Variants in UIMC1 observed in about 807,000 individuals in gnomAD.
UIMC1 encodes the protein ubiquitin interaction motif containing 1, also known as BRCA1-A complex subunit RAP80.
UIMC1 carries 42 observed loss-of-function variants against 84.9 expected under a neutral mutation model. The ratio of observed to expected loss-of-function variants is 0.49; its 90% CI spans 0.39 to 0.64. The LOEUF (loss-of-function observed/expected upper bound fraction) is 0.64. UIMC1 is among the 30% of genes least tolerant of loss of function. The probability of loss-of-function intolerance (pLI) is 0.00; values close to 1 mark genes in which losing one functional copy is unlikely to be tolerated. For missense variants in UIMC1, 825 were observed against 847.6 expected (o/e 0.97, Z 0.33); for synonymous variants, 281 against 293.0 (o/e 0.96, Z 0.42).
At chr5:176,973,751 A>C (rs900023807) in intron 3 of UIMC1, among the ~76,000 whole-genome samples, 1 of 152,048 alleles carries the variant, frequency 6.6e-6, no homozygotes, top group Non-Finnish European at 1.5e-5. Flanking sequence ...AAATAATAAA[A>C]AACTAGCTGG....
chr5:177,015,037 G>A (rs568638060), intron 1 of UIMC1, among the ~76,000 whole-genome samples: 8 of 152,162 alleles, frequency 5.3e-5, no homozygotes, highest in Admixed American at 3.3e-4. Context: ...GTTTGAGACC[G>A]GCCTGACAAA....
At chr5:176,916,060 G>A (rs2860534) in intron 10 of UIMC1, among the ~76,000 whole-genome samples, 41,648 of 151,978 alleles carry the variant, frequency 0.27, 5,758 homozygotes, top group Middle Eastern at 0.35. Flanking sequence ...GGGGCTTGCC[G>A]CTGTTTTTCC....
At position 176,968,680 on chromosome 5, in the gene UIMC1, CTT is replaced by C. The variant is rs753610157; in HGVS notation, c.1073_1074del (p.Lys358ArgfsTer7). Reference protein sequence around the residue: ...CISEDMGDEDKEERQESRASD... With the variant: ...CISEDMGDEDXEERQESRASD... ...GATGCCCTAGACTCCTGCCTCTCCTCTTTGTCTTCATCTCCCATATCTTCTGA... is the reference window on the plus strand; with the variant it reads ...GATGCCCTAGACTCCTGCCTCTCCTCTGTCTTCATCTCCCATATCTTCTGA... On this transcript the variant is annotated frameshift_variant, in exon 6 of 15. Transcript: ENST00000511320. LOFTEE classifies it high-confidence loss of function. 2 of 1,614,170 alleles carry C rather than the reference CTT, an allele frequency of 1.2e-6. No individual in the cohort carries two copies. Among genetic ancestry groups the C allele is most frequent in the South Asian group, 1.1e-5 (1 of 91,090 alleles).
At chr5:176,934,857 T>C (rs181024732) in intron 10 of UIMC1, among the ~76,000 whole-genome samples, 24 of 152,314 alleles carry the variant, frequency 1.6e-4, no homozygotes, top group African/African-American at 5.5e-4. Flanking sequence ...GGCAGCCATT[T>C]TGCTTGTCCC....
intron 8 of UIMC1, among the ~76,000 whole-genome samples, chr5:176,955,180 A>C (rs1197943889): frequency 6.6e-6 from 1 of 152,224 alleles, no homozygotes; most frequent in South Asian, 2.1e-4. Context: ...TTAGATGGTA[A>C]GTATCTTAGT....
chr5:176,915,750 G>A (rs1760889799), intron 10 of UIMC1, among the ~76,000 whole-genome samples: 1 of 127,024 alleles, frequency 7.9e-6, no homozygotes, highest in Non-Finnish European at 1.6e-5. Flanking sequence ...CACTGCGCCT[G>A]ACTGTAAATG....
At chr5:176,989,200 A>C (rs925505954) in intron 1 of UIMC1, among the ~76,000 whole-genome samples, 1 of 152,184 alleles carries the variant, frequency 6.6e-6, no homozygotes, top group Non-Finnish European at 1.5e-5. Flanking sequence ...TTTCTAAAAA[A>C]AACACTTAAA....
At chr5:176,970,274 A>C (rs1394459724) in intron 4 of UIMC1, 1 of 130,280 alleles carries the variant, frequency 7.7e-6, no homozygotes, top group Admixed American at 7.4e-5. Flanking sequence ...TCCATCTCAA[A>C]AAAAAAAAAA....
intron 10 of UIMC1, among the ~76,000 whole-genome samples, chr5:176,921,642 C>T (rs192261162): frequency 6.6e-6 from 1 of 152,154 alleles, no homozygotes; most frequent in African/African-American, 2.4e-5. Flanking sequence ...GTAGGTTCAA[C>T]CTTCAAAACA....
At chr5:176,911,231 A>C in intron 11 of UIMC1, 80 bp downstream of exon 11, 1 of 1,169,926 alleles carries the variant, frequency 8.5e-7, no homozygotes, top group South Asian at 2.0e-5. Context: ...ATACAGGGTA[A>C]GATAGGAATT....
rs142278700 is a variant in UIMC1, at chr5:176,971,551, T to C, written c.233-685A>G. 7.6e-4 allele frequency among the ~76,000 whole-genome samples: 115 copies of C among 152,268 alleles called. 3 individuals carry two copies. In the East Asian group the frequency reaches 0.021, roughly 28 times the overall value. On this transcript the variant is annotated intron_variant, in intron 3 of 14. Transcript: ENST00000511320. ...AAATAAAGTCCTCACTGGCCAAAAA[T>C]GGAACCGAAGCATCAATAAAGATAA...
chr5:176,916,263 T>C (rs1760968473), intron 10 of UIMC1, among the ~76,000 whole-genome samples: 1 of 152,216 alleles, frequency 6.6e-6, no homozygotes, highest in Admixed American at 6.6e-5. Flanking sequence ...CAATGGGGTC[T>C]GAGTACAACT....
Position 176,938,189 on chromosome 5 carries a change from CAA to C in UIMC1, c.1597+5144_1597+5145del, listed in dbSNP as rs1170386962. On this transcript the variant is annotated intron_variant, in intron 10 of 14. Transcript: ENST00000511320. ...TGGGCTACAGAGTAAGACCCTGTCT[CAA>C]AAAAAAAAAAAAAAAAAAAAAGGGA... is the stretch of plus-strand genomic sequence containing the variant. 9.3e-3 allele frequency among the ~76,000 whole-genome samples: 526 copies of C among 56,320 alleles called. 16 individuals are homozygous for C. The highest frequency in any genetic ancestry group is 0.09 in the Admixed American group (416 of 4,604). The allele number at this position is 56,320 out of a possible 152,430, so 36.9% of individuals were successfully genotyped here.
At chr5:176,930,444 C>T (rs1762945319) in intron 10 of UIMC1, among the ~76,000 whole-genome samples, 2 of 152,286 alleles carry the variant, frequency 1.3e-5, no homozygotes, top group African/African-American at 4.8e-5. Context: ...GGTACGTGAT[C>T]TTGGGGAAAT....
chr5:176,928,031 A>C (rs760102523), intron 10 of UIMC1, among the ~76,000 whole-genome samples: 10 of 151,942 alleles, frequency 6.6e-5, no homozygotes, highest in Non-Finnish European at 1.5e-4. Flanking sequence ...TTTAGTAGAG[A>C]TAGGGTTTCA....
intron 10 of UIMC1, among the ~76,000 whole-genome samples, chr5:176,933,309 A>G (rs1763341973): frequency 6.6e-6 from 1 of 152,246 alleles, no homozygotes; most frequent in African/African-American, 2.4e-5. Flanking sequence ...AAAAAATGTC[A>G]ACTTCACTAC....
At chr5:176,993,144 G>A (rs553198207) in intron 1 of UIMC1, among the ~76,000 whole-genome samples, 29 of 147,910 alleles carry the variant, frequency 2.0e-4, no homozygotes, top group Admixed American at 8.8e-4. Flanking sequence ...CTGTGCCACT[G>A]CACTCCAGCC....
chr5:176,912,696 C>T (rs2149393295), intron 10 of UIMC1, among the ~76,000 whole-genome samples: 1 of 149,726 alleles, frequency 6.7e-6, no homozygotes, highest in South Asian at 2.1e-4. Flanking sequence ...GATGGAGTCT[C>T]GCTCTGTCAC....
chr5:176,913,849 T>G (rs1760582285), intron 10 of UIMC1, among the ~76,000 whole-genome samples: 1 of 152,096 alleles, frequency 6.6e-6, no homozygotes, highest in East Asian at 1.9e-4. Context: ...TGGTGGTGCT[T>G]GCCTGTAGTC....
Sources: gnomAD v4.1 joint callset for allele counts (sites outside exome capture counted in the v4.1 genomes callset) on GRCh38, gnomAD v4.1.1 for gene constraint, MANE v1.5 for transcripts, NCBI Gene and HGNC (gene_info 2026-07-23, HGNC 2026-07-21) for gene names.